OSCP1: variants seen among roughly 807,000 people sequenced by gnomAD.
OSCP1 encodes protein OSCP1.
In OSCP1, 35 loss-of-function variants were observed where a neutral mutation model predicts 45.1. That is an observed-to-expected ratio of 0.78 (90% CI 0.59 to 1.03). The LOEUF is 1.03. Ranked by LOEUF, OSCP1 falls within the 50% of genes least tolerant of loss-of-function variation. The probability of loss-of-function intolerance (pLI) is 0.00; values close to 1 mark genes in which losing one functional copy is unlikely to be tolerated. For synonymous variants in OSCP1, 179 were observed against 180.1 expected, an observed-to-expected ratio of 0.99 and a Z score of 0.05; for missense variants, 400 against 470.7, an observed-to-expected ratio of 0.85 and a Z score of 1.39.
At chr1:36,431,088 C>T (rs1302425213) in intron 4 of OSCP1, among the ~76,000 whole-genome samples, 1 of 152,108 alleles carries the variant, frequency 6.6e-6, no homozygotes, top group Non-Finnish European at 1.5e-5. Flanking sequence ...CAGGGCAGCA[C>T]CTGAACTGTG....
intron 2 of OSCP1, among the ~76,000 whole-genome samples, chr1:36,434,187 C>T (rs767098514): frequency 3.9e-4 from 59 of 152,090 alleles, no homozygotes; most frequent in Non-Finnish European, 6.3e-4. Flanking sequence ...AGGATTGAAA[C>T]GATAAACAAC....
At chr1:36,448,641 A>G (rs1649681692) in intron 1 of OSCP1, among the ~76,000 whole-genome samples, 1 of 152,208 alleles carries the variant, frequency 6.6e-6, no homozygotes, top group South Asian at 2.1e-4. Context: ...GCATATGGGG[A>G]GGATTCCTGA....
chr1:36,432,733 C>G, intron 2 of OSCP1, 144 bp from the exon 3 acceptor site: 1 of 862,706 alleles, frequency 1.2e-6, no homozygotes, highest in African/African-American at 1.7e-5. Flanking sequence ...ACTTATCACC[C>G]AAACCAAGAC....
At chr1:36,422,498 T>G (rs1647700981) in intron 6 of OSCP1, among the ~76,000 whole-genome samples, 1 of 152,216 alleles carries the variant, frequency 6.6e-6, no homozygotes, top group African/African-American at 2.4e-5. Flanking sequence ...TAAGTCTTTC[T>G]GGATTTCCAC....
chr1:36,419,808 T>C (rs548974646), intron 8 of OSCP1, among the ~76,000 whole-genome samples: 1 of 152,302 alleles, frequency 6.6e-6, no homozygotes, highest in African/African-American at 2.4e-5. Flanking sequence ...ACTCTTTTTT[T>C]GTTTTGTTTA....
chr1:36,426,384 C>T lies in OSCP1; in HGVS notation c.517-2918G>A, dbSNP rs373963847. Among the ~76,000 whole-genome samples the T allele has an allele frequency of 5.3e-5, 8 of 152,196 alleles. No homozygotes were observed. In the South Asian group the frequency reaches 1.0e-3, roughly 20 times the overall value. ...CACCCTTTCCTTTCCGAGGTGATCT[C>T]GTCTCCTCCCATACTCCAGGGCTCA... On this transcript the variant is annotated intron_variant, in intron 4 of 9. Transcript: ENST00000235532.
At chr1:36,446,243 G>A (rs968704427) in intron 1 of OSCP1, among the ~76,000 whole-genome samples, 44 of 152,154 alleles carry the variant, frequency 2.9e-4, no homozygotes, top group South Asian at 2.1e-4. Context: ...GGCTGGTCTC[G>A]AACTCCTGAC....
At position 36,447,060 on chromosome 1, in the gene OSCP1, G is replaced by A. The variant is rs72919398; in HGVS notation, c.112+3198C>T. Among the ~76,000 whole-genome samples the A allele has an allele frequency of 8.5e-3, 1,287 of 152,234 alleles. 17 individuals are homozygous for A. The highest frequency in any genetic ancestry group is 0.029 in the African/African-American group (1,203 of 41,532). ...ATGGCCTCCAGGAGACCAATTAGTCGTATAAGATAATGAAAACATCTAGAA... is the reference window on the plus strand; with the variant it reads ...ATGGCCTCCAGGAGACCAATTAGTCATATAAGATAATGAAAACATCTAGAA... On this transcript the variant is annotated intron_variant, in intron 1 of 9. Transcript: ENST00000235532. This position sits in a 1 kb window ranked among gnomAD's most constrained non-coding sequence, Gnocchi z 4.1.
chr1:36,442,311 ATAGCAAGCTTC>A (rs201235975), intron 1 of OSCP1, among the ~76,000 whole-genome samples: 1,967 of 152,164 alleles, frequency 0.013, 52 homozygotes, highest in African/African-American at 0.045. Context: ...GGTTCTCAAC[ATAGCAAGCTTC>A]TAGTCCTGGG....
In OSCP1 at chr1:36,449,380, C is replaced by T. The variant is rs113607839; in HGVS notation, c.112+878G>A. ...CGAAGCTCTCATATAATTATTTTCA[C>T]AATTGTATTCCCCTCCAACACTTGT... On this transcript the variant is annotated intron_variant, in intron 1 of 9. Transcript: ENST00000235532. Among the ~76,000 whole-genome samples the T allele has an allele frequency of 6.9e-3, 1,045 of 152,138 alleles. 13 individuals carry two copies. Among genetic ancestry groups the T allele is most frequent in the African/African-American group, 0.024 (976 of 41,502 alleles).
At chr1:36,438,996 G>T in intron 1 of OSCP1, 86 bp from the exon 2 acceptor site, 2 of 1,445,342 alleles carry the variant, frequency 1.4e-6, no homozygotes. Context: ...TACAGGAGCT[G>T]AGCGTGTACA....
At chr1:36,431,537 T>C (rs938366145) in intron 4 of OSCP1, among the ~76,000 whole-genome samples, 2 of 152,090 alleles carry the variant, frequency 1.3e-5, no homozygotes, top group African/African-American at 4.8e-5. Context: ...CTTGACAGCA[T>C]ATTTCCTCTG....
chr1:36,420,738 G>A, intron 7 of OSCP1, 123 bp from the exon 8 acceptor site: 10 of 1,327,360 alleles, frequency 7.5e-6, no homozygotes, highest in Admixed American at 2.4e-5. Context: ...ATTATTTCTG[G>A]GTCCAAATAA....
Position 36,422,817 on chromosome 1 carries a change from C to CT in OSCP1, c.699dup (p.Gly234ArgfsTer4). The CT allele has an allele frequency of 6.2e-7, 1 of 1,607,486 alleles. No individual in the cohort carries two copies. The highest frequency in any genetic ancestry group is 1.7e-5 in the Admixed American group (1 of 59,436). On this transcript the variant is annotated frameshift_variant, in exon 6 of 10. Coordinates refer to ENST00000235532, the MANE Select transcript of OSCP1 (RefSeq NM_145047.5). LOFTEE classifies it high-confidence loss of function. ...CGGTCTCCATAAAGTTCAAAAGAACCTTCTTTGGGTGCAGGGACATAGTTT... is the reference window on the plus strand; with the variant it reads ...CGGTCTCCATAAAGTTCAAAAGAACCTTTCTTTGGGTGCAGGGACATAGTTT...
chr1:36,446,901 C>T (rs1242536385), intron 1 of OSCP1, among the ~76,000 whole-genome samples: 2 of 152,178 alleles, frequency 1.3e-5, no homozygotes, highest in Non-Finnish European at 2.9e-5. Context: ...TTGCTTTAAA[C>T]AGGAGACAAC....
rs762463586 is a variant in OSCP1 at position 36,423,455 on chromosome 1, A to G, written c.528T>C (p.Phe176=). 1 of 1,608,222 alleles carries G rather than the reference A, an allele frequency of 6.2e-7. No homozygotes were observed. Among genetic ancestry groups the G allele is most frequent in the Non-Finnish European group, 8.5e-7 (1 of 1,176,390 alleles). ...FQDLHIRVSM[F]LKDKVQNNNG... is the part of the protein sequence containing the mutation. ...TATTATTCTGAACTTTGTCCTTTAGAAACATGGATACCTGGAAAAAAATAC... is the reference window on the plus strand; with the variant it reads ...TATTATTCTGAACTTTGTCCTTTAGGAACATGGATACCTGGAAAAAAATAC... The change falls in exon 5 of 10, where the codon TTT becomes TTC. Residue 176 remains phenylalanine, a synonymous_variant. Transcript: ENST00000235532.
intron 9 of OSCP1, 107 bp from the exon 10 acceptor site, chr1:36,418,362 T>TCA: frequency 2.3e-6 from 2 of 862,304 alleles, no homozygotes; most frequent in Non-Finnish European, 3.8e-6. Flanking sequence ...TATGTTTCAG[T>TCA]TGCGCACCTG....
At chr1:36,423,683 G>A (rs1026437125) in intron 4 of OSCP1, among the ~76,000 whole-genome samples, 12 of 151,938 alleles carry the variant, frequency 7.9e-5, no homozygotes, top group Non-Finnish European at 1.3e-4. Flanking sequence ...GACTATCCTG[G>A]CTAACACGGT....
In OSCP1 at chr1:36,445,717, T is replaced by C. The variant is rs140384472; in HGVS notation, c.112+4541A>G. Among the ~76,000 whole-genome samples the C allele has an allele frequency of 3.8e-3, 584 of 152,264 alleles. 11 individuals carry two copies. Among genetic ancestry groups the C allele is most frequent in the Admixed American group, 0.029 (444 of 15,282 alleles). Reference sequence around the variant, plus strand: ...CTTTCTGTGGCATTTATTTATTTATTTATTTATTTATTTTTGAGACAGGGT... The same window carrying C: ...CTTTCTGTGGCATTTATTTATTTATCTATTTATTTATTTTTGAGACAGGGT... On this transcript the variant is annotated intron_variant, in intron 1 of 9. Coordinates refer to ENST00000235532, the MANE Select transcript of OSCP1 (RefSeq NM_145047.5).
Sources: allele counts gnomAD v4.1 joint callset (sites outside exome capture counted in the v4.1 genomes callset), GRCh38; gene constraint gnomAD v4.1.1; non-coding constraint Gnocchi (gnomAD v3.1); transcripts MANE v1.5; gene names NCBI Gene and HGNC (gene_info 2026-07-23, HGNC 2026-07-21).